Variants in AGPS observed in about 807,000 individuals in gnomAD.
The protein encoded by AGPS is alkyldihydroxyacetonephosphate synthase, peroxisomal.
Under a neutral mutation model 90.7 loss-of-function variants are expected in AGPS, and 26 were observed. That is an observed-to-expected ratio of 0.29 (90% confidence interval 0.21 to 0.40). The LOEUF (loss-of-function observed/expected upper bound fraction) is 0.40. Ranked by LOEUF, AGPS falls within the 10% of genes least tolerant of loss-of-function variation. AGPS has a pLI of 1.00. For synonymous variants in AGPS, 294 were observed against 285.3 expected (o/e 1.03, Z -0.31); for missense variants, 540 against 816.1 (o/e 0.66, Z 4.12).
chr2:177,469,677 C>T (rs1156426834), intron 10 of AGPS, among the ~76,000 whole-genome samples: 2 of 152,128 alleles, frequency 1.3e-5, no homozygotes, highest in Non-Finnish European at 2.9e-5. Context: ...AATGCATCAT[C>T]TACAAATTAG....
intron 14 of AGPS, among the ~76,000 whole-genome samples, chr2:177,504,017 G>A (rs1275628897): frequency 6.6e-6 from 1 of 152,168 alleles, no homozygotes; most frequent in Non-Finnish European, 1.5e-5. Context: ...ACAGAGGCAA[G>A]CCTATTAAAT....
chr2:177,481,461 T>C (rs1687941806), intron 10 of AGPS, among the ~76,000 whole-genome samples: 1 of 151,924 alleles, frequency 6.6e-6, no homozygotes, highest in African/African-American at 2.4e-5. Context: ...TTATTGGTGG[T>C]CATCTTATGT....
In AGPS at chr2:177,538,335, G is replaced by A; in HGVS notation, c.*140G>A. ...TTTAAAATAAGTTTGTTTTCATTCT[G>A]TAGTTTGTTTTGTTTCTACATCTAT... On this transcript the variant is annotated 3_prime_UTR_variant, in exon 20 of 20. Coordinates refer to ENST00000264167, the MANE Select transcript of AGPS (RefSeq NM_003659.4). 1.0e-6 allele frequency: 1 copy of A among 958,702 alleles called. No individual in the cohort carries two copies. Among genetic ancestry groups the A allele is most frequent in the Non-Finnish European group, 1.5e-6 (1 of 648,254 alleles). The allele number at this position is 958,702 out of a possible 1,614,324, so 59.4% of individuals were successfully genotyped here.
At position 177,541,783 on chromosome 2, in the gene AGPS, T is replaced by C. The variant is rs949502811; in HGVS notation, c.*3588T>C. 1.3e-5 allele frequency: 2 copies of C among 152,204 alleles called. No homozygotes were observed. The highest frequency in any genetic ancestry group is 4.8e-5 in the African/African-American group (2 of 41,460). 9.4% of individuals were successfully genotyped at this position (152,204 alleles called of 1,614,324 possible). On this transcript the variant is annotated 3_prime_UTR_variant, in exon 20 of 20. Transcript: ENST00000264167. ...TGTTCCCAAATGAGCCATCTGTCAG[T>C]ATATTCACTTAATTCTTACTAATTT...
At chr2:177,397,296 G>A (rs1434661978) in intron 1 of AGPS, among the ~76,000 whole-genome samples, 1 of 152,124 alleles carries the variant, frequency 6.6e-6, no homozygotes, top group African/African-American at 2.4e-5. Context: ...GCTGAGCAGA[G>A]TATTGAAGTG....
At chr2:177,470,944 G>A (rs912682341) in intron 10 of AGPS, among the ~76,000 whole-genome samples, 6 of 151,818 alleles carry the variant, frequency 4.0e-5, no homozygotes, top group African/African-American at 1.2e-4. Context: ...CCATAAAATG[G>A]GAATAATAAA....
intron 2 of AGPS, among the ~76,000 whole-genome samples, chr2:177,425,851 T>A (rs1040380017): frequency 5.3e-5 from 8 of 152,068 alleles, no homozygotes; most frequent in African/African-American, 1.9e-4. Context: ...GTTCTTTTTG[T>A]GTAGGATTGT....
chr2:177,519,425 G>A (rs1315200219), intron 17 of AGPS, among the ~76,000 whole-genome samples: 3 of 152,074 alleles, frequency 2.0e-5, no homozygotes, highest in Admixed American at 1.3e-4. Context: ...AATTGATGGT[G>A]TCTGTCTTTA....
At chr2:177,462,470 A>G (rs968387736) in intron 9 of AGPS, among the ~76,000 whole-genome samples, 4 of 152,028 alleles carry the variant, frequency 2.6e-5, no homozygotes, top group African/African-American at 9.7e-5. Flanking sequence ...TTTGACTATA[A>G]TAACATTGGA....
At chr2:177,449,549 G>A (rs1165917478) in intron 8 of AGPS, among the ~76,000 whole-genome samples, 1 of 152,016 alleles carries the variant, frequency 6.6e-6, no homozygotes, top group Non-Finnish European at 1.5e-5. Flanking sequence ...TCAGCTTCCT[G>A]AGTAACTGAG....
At chr2:177,499,892 G>A (rs1688510744) in intron 14 of AGPS, among the ~76,000 whole-genome samples, 162 bp downstream of exon 14, 1 of 151,856 alleles carries the variant, frequency 6.6e-6, no homozygotes, top group Admixed American at 6.6e-5. Context: ...GGTAATTTAT[G>A]ATAGTAAACT....
At chr2:177,410,940 A>T (rs4893943) in intron 1 of AGPS, among the ~76,000 whole-genome samples, 131,299 of 152,110 alleles carry the variant, frequency 0.86, 56,875 homozygotes, top group East Asian at 0.95. Flanking sequence ...GCTTATTTCT[A>T]TTCGGACAAT....
At chr2:177,494,537 C>T (rs1358477816) in intron 12 of AGPS, among the ~76,000 whole-genome samples, 1 of 152,036 alleles carries the variant, frequency 6.6e-6, no homozygotes, top group Non-Finnish European at 1.5e-5. Flanking sequence ...CAATGTTAGA[C>T]CTAGGCATTT....
In AGPS at chr2:177,416,743, A is replaced by C. The variant is rs549516074; in HGVS notation, c.261-3526A>C. ...ATGGGGTTTCACTATATTAGCCAGG[A>C]TGGTCTTGATCTCCTGACCTTGTGA... On this transcript the variant is annotated intron_variant, in intron 1 of 19. Transcript: ENST00000264167. 7.9e-4 allele frequency among the ~76,000 whole-genome samples: 120 copies of C among 151,858 alleles called. 1 individual carries two copies. The highest frequency in any genetic ancestry group is 2.9e-3 in the African/African-American group (119 of 41,426).
chr2:177,453,681 T>A (rs1574380021), intron 8 of AGPS, among the ~76,000 whole-genome samples: 1 of 141,154 alleles, frequency 7.1e-6, no homozygotes, highest in Admixed American at 7.9e-5. Flanking sequence ...TCTAAGAAAA[T>A]CAGTAGTAAT....
intron 8 of AGPS, among the ~76,000 whole-genome samples, chr2:177,450,726 G>A (rs539988418): frequency 1.3e-5 from 2 of 151,410 alleles, no homozygotes; most frequent in Non-Finnish European, 2.9e-5. Flanking sequence ...TAGGTTCTTT[G>A]TATTTCTATA....
In AGPS at chr2:177,505,527, T is replaced by A; in HGVS notation, c.1497T>A (p.Asp499Glu). The A allele has an allele frequency of 6.2e-7, 1 of 1,612,604 alleles. No individual in the cohort carries two copies. The highest frequency in any genetic ancestry group is 8.5e-7 in the Non-Finnish European group (1 of 1,179,026). Reference sequence around the variant, plus strand: ...ACAGTGGGTTGGCAGCTGGAGAAGATAATGGACAGAGAGGTTATTTGCTGA... The same window carrying A: ...ACAGTGGGTTGGCAGCTGGAGAAGAAAATGGACAGAGAGGTTATTTGCTGA... Reference protein sequence around the residue: ...AKFGGLAAGEDNGQRGYLLTY... With the variant: ...AKFGGLAAGEENGQRGYLLTY... Residue 499 changes from aspartate (D) to glutamate (E), a missense_variant, in exon 15 of 20, where the codon GAT (aspartate) becomes GAA (glutamate). Coordinates refer to ENST00000264167, the MANE Select transcript of AGPS (RefSeq NM_003659.4).
At position 177,415,573 on chromosome 2, in the gene AGPS, A is replaced by G. The variant is rs1685762426; in HGVS notation, c.261-4696A>G. On this transcript the variant is annotated intron_variant, in intron 1 of 19. Coordinates refer to ENST00000264167, the MANE Select transcript of AGPS (RefSeq NM_003659.4). Reference sequence around the variant, plus strand: ...GAGCTGAGAAACTTACAATGGGGATATTGAGGGAAGATTGAAATTCTTGTT... The same window carrying G: ...GAGCTGAGAAACTTACAATGGGGATGTTGAGGGAAGATTGAAATTCTTGTT... Among the ~76,000 whole-genome samples, 4 of 152,198 alleles carry G rather than the reference A, an allele frequency of 2.6e-5. No homozygotes were observed. The East Asian group carries it at 7.7e-4, about 29-fold the overall frequency.
At chr2:177,532,394 A>C (rs2079146403) in intron 19 of AGPS, among the ~76,000 whole-genome samples, 1 of 152,044 alleles carries the variant, frequency 6.6e-6, no homozygotes, top group Admixed American at 6.5e-5. Context: ...GGAAATGAAA[A>C]TTAAAGCCAC....
Sources: allele counts gnomAD v4.1 joint callset (sites outside exome capture counted in the v4.1 genomes callset), GRCh38; gene constraint gnomAD v4.1.1; transcripts MANE v1.5; gene names NCBI Gene and HGNC (gene_info 2026-07-23, HGNC 2026-07-21).